SPAST: variants seen among roughly 807,000 people sequenced by gnomAD.
The protein encoded by SPAST is spastin.
A neutral mutation model predicts 76.6 loss-of-function variants in SPAST; 30 were observed. The ratio of observed to expected loss-of-function variants is 0.39; its 90% CI spans 0.29 to 0.53. The LOEUF (loss-of-function observed/expected upper bound fraction) is 0.53. Ranked by LOEUF, SPAST falls within the 20% of genes least tolerant of loss-of-function variation. SPAST has a pLI of 0.68. For synonymous variants in SPAST, 305 were observed against 281.0 expected (o/e 1.09, Z -0.86); for missense variants, 717 against 770.5 (o/e 0.93, Z 0.82).
chr2:32,095,095 CTG>C (rs762934173), intron 3 of SPAST, among the ~76,000 whole-genome samples: 56 of 152,204 alleles, frequency 3.7e-4, no homozygotes, highest in Non-Finnish European at 7.2e-4. Context: ...AATTAGGACA[CTG>C]TTACAGTAAT....
At chr2:32,134,761 T>C (rs556831039) in intron 9 of SPAST, among the ~76,000 whole-genome samples, 2 of 152,340 alleles carry the variant, frequency 1.3e-5, no homozygotes, top group South Asian at 4.1e-4. Context: ...AGTTGTGCGA[T>C]CTCGGCTCAC....
chr2:32,097,537 T>TGCA (rs1268813644), intron 3 of SPAST, among the ~76,000 whole-genome samples: 1 of 152,162 alleles, frequency 6.6e-6, no homozygotes, highest in African/African-American at 2.4e-5. Flanking sequence ...ATACAGTTAC[T>TGCA]GCAGTATGCT....
intron 14 of SPAST, among the ~76,000 whole-genome samples, chr2:32,143,911 T>C (rs2148759955): frequency 6.6e-6 from 1 of 152,288 alleles, no homozygotes; most frequent in Admixed American, 6.5e-5. Context: ...AACACAGATA[T>C]TTTTATATAA....
At chr2:32,099,870 T>A (rs780730423) in intron 4 of SPAST, among the ~76,000 whole-genome samples, 1 of 152,192 alleles carries the variant, frequency 6.6e-6, no homozygotes, top group Non-Finnish European at 1.5e-5. Flanking sequence ...AAAAATAATA[T>A]TCTGTGTGTA....
intron 1 of SPAST, among the ~76,000 whole-genome samples, chr2:32,075,892 T>TG (rs1676942207): frequency 1.9e-5 from 2 of 105,994 alleles, no homozygotes; most frequent in African/African-American, 3.7e-5. Context: ...AAATTCAAAA[T>TG]GCTCTTTTTT....
At chr2:32,085,641 A>G (rs747038154) in intron 1 of SPAST, among the ~76,000 whole-genome samples, 2 of 152,198 alleles carry the variant, frequency 1.3e-5, no homozygotes, top group South Asian at 4.1e-4. Flanking sequence ...GGGGATGAAT[A>G]TGGTTAGTTA....
At chr2:32,064,842 C>G (rs981477896) in intron 1 of SPAST, among the ~76,000 whole-genome samples, 1 of 152,138 alleles carries the variant, frequency 6.6e-6, no homozygotes, top group South Asian at 2.1e-4. Flanking sequence ...ACTTTTCCCC[C>G]TGTTGCTTTG....
At chr2:32,139,713 C>T (rs1327466098) in intron 12 of SPAST, among the ~76,000 whole-genome samples, 4 of 151,946 alleles carry the variant, frequency 2.6e-5, no homozygotes, top group Non-Finnish European at 5.9e-5. Context: ...CCTGTAATCC[C>T]ATCTGCTCGG....
At chr2:32,133,668 AC>A (rs1443652964) in intron 9 of SPAST, among the ~76,000 whole-genome samples, 1 of 151,970 alleles carries the variant, frequency 6.6e-6, no homozygotes, top group Non-Finnish European at 1.5e-5. Context: ...AAAAAAAAAA[AC>A]GAACATTCAC....
At chr2:32,129,004 C>T (rs1275242645) in intron 9 of SPAST, 1 of 166,780 alleles carries the variant, frequency 6.0e-6, no homozygotes, top group African/African-American at 2.4e-5. Flanking sequence ...TTAAGTTTGT[C>T]ATCAGCAACA....
intron 4 of SPAST, among the ~76,000 whole-genome samples, chr2:32,109,766 TTA>T (rs1387896938): frequency 6.7e-6 from 1 of 149,050 alleles, no homozygotes; most frequent in Non-Finnish European, 1.5e-5. Context: ...CTGTATATAG[TTA>T]TATATGTATA....
chr2:32,113,102 A>T (rs560022023), intron 4 of SPAST, among the ~76,000 whole-genome samples: 1 of 152,160 alleles, frequency 6.6e-6, no homozygotes, highest in South Asian at 2.1e-4. Context: ...GCACATCTTT[A>T]TACTCTTTCA....
chr2:32,064,380 C>G (rs1676425489), intron 1 of SPAST, 134 bp downstream of exon 1: 5 of 807,208 alleles, frequency 6.2e-6, no homozygotes, highest in Non-Finnish European at 9.7e-6. Flanking sequence ...CCCCGGGAGA[C>G]TGCTTTCCCG....
At chr2:32,067,085 G>A (rs575802577) in intron 1 of SPAST, among the ~76,000 whole-genome samples, 6 of 151,988 alleles carry the variant, frequency 3.9e-5, no homozygotes, top group South Asian at 2.1e-4. Context: ...TTTTTGAGAC[G>A]GAGTCTCGCT....
rs34078147 is a variant in SPAST at position 32,081,781 on chromosome 2, CAA to C, written c.416-5689_416-5688del. Among the ~76,000 whole-genome samples the C allele has an allele frequency of 3.6e-3, 159 of 44,374 alleles. 1 individual carries two copies. The East Asian group carries it at 0.071, about 20-fold the overall frequency. The allele number at this position is 44,374 out of a possible 152,430, so 29.1% of individuals were successfully genotyped here. Reference sequence around the variant, plus strand: ...CCTGGGCGACAGAGTGAGACACTGTCAAAAAAAAAAAAAAAAAAAAAAAGGAA... The same window carrying C: ...CCTGGGCGACAGAGTGAGACACTGTCAAAAAAAAAAAAAAAAAAAAAGGAA... On this transcript the variant is annotated intron_variant, in intron 1 of 16. Coordinates refer to ENST00000315285, the MANE Select transcript of SPAST (RefSeq NM_014946.4).
chr2:32,138,018 A>G (rs1268505113), intron 12 of SPAST, among the ~76,000 whole-genome samples: 2 of 152,230 alleles, frequency 1.3e-5, no homozygotes, highest in Non-Finnish European at 2.9e-5. Context: ...CGTAGTACAT[A>G]GTATTCCATG....
chr2:32,067,753 A>T (rs1573034342), intron 1 of SPAST, among the ~76,000 whole-genome samples: 1 of 123,746 alleles, frequency 8.1e-6, no homozygotes, highest in African/African-American at 3.0e-5. Context: ...GGCTTAAGTG[A>T]TCCTCTTTTT....
intron 1 of SPAST, among the ~76,000 whole-genome samples, chr2:32,082,179 G>T (rs1677261112): frequency 6.6e-6 from 1 of 150,456 alleles, no homozygotes; most frequent in Non-Finnish European, 1.5e-5. Context: ...TTTTAGTAGA[G>T]ATTGGGTTTC....
At position 32,063,955 on chromosome 2, in the gene SPAST, C is replaced by A. The variant is rs367843598; in HGVS notation, c.124C>A (p.Pro42Thr). Residue 42 changes from proline to threonine, a missense_variant, in exon 1 of 17, where the codon CCC becomes ACC. Coordinates refer to ENST00000315285, the MANE Select transcript of SPAST (RefSeq NM_014946.4). ...TCCCGCCGCCGGGCCGGCCCCTCCG[C>A]CCGAGTCGCCGCATAAGCGGAACCT... ...APPAAGPAPP[P>T]ESPHKRNLYY... 8.7e-6 allele frequency: 14 copies of A among 1,611,428 alleles called. No individual in the cohort carries two copies. Among genetic ancestry groups the A allele is most frequent in the Non-Finnish European group, 1.2e-5 (14 of 1,178,834 alleles).
Sources: gnomAD v4.1 joint callset for allele counts (sites outside exome capture counted in the v4.1 genomes callset) on GRCh38, gnomAD v4.1.1 for gene constraint, MANE v1.5 for transcripts, NCBI Gene and HGNC (gene_info 2026-07-23, HGNC 2026-07-21) for gene names.